PLXNA4: variants seen among roughly 807,000 people sequenced by gnomAD.
PLXNA4 encodes plexin-A4.
In PLXNA4, 44 loss-of-function variants were observed where a neutral mutation model predicts 191.8. That is an observed-to-expected ratio of 0.23 (90% CI 0.18 to 0.29). The LOEUF (loss-of-function observed/expected upper bound fraction) is 0.29, where lower values mean the gene tolerates loss of function less well. PLXNA4 is among the 10% of genes least tolerant of loss of function. PLXNA4 has a pLI of 1.00. For synonymous variants in PLXNA4, 1,082 were observed against 1,009.5 expected (o/e 1.07, Z -1.36); for missense variants, 1,800 against 2,488.8 (o/e 0.72, Z 5.89).
At chr7:132,603,249 G>GAA (rs35682777) in intron 2 of PLXNA4, among the ~76,000 whole-genome samples, 3,011 of 151,080 alleles carry the variant, frequency 0.02, 92 homozygotes, top group African/African-American at 0.067. Flanking sequence ...TCTCTTTATT[G>GAA]AAAAAAAAAT....
chr7:132,233,321 G>A (rs572578438), intron 5 of PLXNA4, among the ~76,000 whole-genome samples: 3 of 152,302 alleles, frequency 2.0e-5, no homozygotes, highest in East Asian at 1.9e-4. Flanking sequence ...TGGAGGAAGT[G>A]GAGTAGCTAG....
chr7:132,564,273 TTCC>T (rs1352853626), intron 1 of PLXNA4, among the ~76,000 whole-genome samples: 20 of 104,072 alleles, frequency 1.9e-4, no homozygotes, highest in East Asian at 6.8e-4. Flanking sequence ...TCCTCTCCTT[TTCC>T]TCCTCCTCCT....
Position 132,611,578 on chromosome 7 carries a change from G to T in PLXNA4, c.-87+34350C>A, listed in dbSNP as rs994598053. 2.8e-4 allele frequency among the ~76,000 whole-genome samples: 42 copies of T among 152,326 alleles called. 1 individual carries two copies. Among genetic ancestry groups the T allele is most frequent in the Middle Eastern group, 6.8e-3 (2 of 294 alleles). ...CCCACGTCATAACGTGCACCCAAAG[G>T]TGGGGGAATTTATTAAACAACCTGG... On this transcript the variant is annotated intron_variant, in intron 2 of 4. Coordinates refer to the PLXNA4 transcript ENST00000378539.
intron 9 of PLXNA4, among the ~76,000 whole-genome samples, chr7:132,220,469 G>C (rs1032952554): frequency 3.3e-5 from 5 of 152,188 alleles, no homozygotes; most frequent in Non-Finnish European, 7.3e-5. Context: ...TGATAAGGGA[G>C]GCATGGGCGA....
chr7:132,519,001 A>G (rs1313668759), intron 1 of PLXNA4, among the ~76,000 whole-genome samples: 1 of 152,188 alleles, frequency 6.6e-6, no homozygotes, highest in Admixed American at 6.5e-5. Flanking sequence ...TACCACGTGG[A>G]GATCGCCTTG....
At chr7:132,474,430 T>C (rs1056699080) in intron 3 of PLXNA4, among the ~76,000 whole-genome samples, 2 of 151,728 alleles carry the variant, frequency 1.3e-5, no homozygotes, top group African/African-American at 4.8e-5. Flanking sequence ...GTAGTAGGAG[T>C]GAACCTAAGC....
intron 24 of PLXNA4, among the ~76,000 whole-genome samples, chr7:132,161,308 G>T (rs1795942217): frequency 6.6e-6 from 1 of 152,222 alleles, no homozygotes; most frequent in Non-Finnish European, 1.5e-5. Flanking sequence ...ACAACTCCAT[G>T]GTGCACTTCA....
intron 1 of PLXNA4, among the ~76,000 whole-genome samples, chr7:132,565,992 G>T (rs1801706943): frequency 6.6e-6 from 1 of 152,180 alleles, no homozygotes; most frequent in Admixed American, 6.5e-5. Flanking sequence ...GAACTCAGCT[G>T]GGACTTGATT....
At chr7:132,459,722 G>A (rs1406993216) in intron 3 of PLXNA4, among the ~76,000 whole-genome samples, 1 of 152,176 alleles carries the variant, frequency 6.6e-6, no homozygotes, top group East Asian at 1.9e-4. Context: ...GATGCTGGGG[G>A]CAGCGAGCCT....
At chr7:132,642,823 A>T (rs945689708) in intron 2 of PLXNA4, among the ~76,000 whole-genome samples, 4 of 152,250 alleles carry the variant, frequency 2.6e-5, no homozygotes, top group Non-Finnish European at 5.9e-5. Context: ...GGAACTCTTT[A>T]TTGCTATGCA....
intron 2 of PLXNA4, chr7:132,645,913 T>C (rs942507562): frequency 6.6e-6 from 1 of 152,660 alleles, no homozygotes; most frequent in African/African-American, 2.4e-5. Flanking sequence ...CTGAATTTGG[T>C]GCTTGAGCCA....
intron 3 of PLXNA4, among the ~76,000 whole-genome samples, chr7:132,386,549 G>C (rs1331287289): frequency 2.6e-5 from 4 of 152,176 alleles, no homozygotes; most frequent in Non-Finnish European, 5.9e-5. Context: ...TGCTTAGTGG[G>C]GAAGGGAACA....
At chr7:132,501,619 C>T (rs1798258424) in intron 2 of PLXNA4, among the ~76,000 whole-genome samples, 1 of 152,224 alleles carries the variant, frequency 6.6e-6, no homozygotes, top group Admixed American at 6.5e-5. Flanking sequence ...GCACCATGCA[C>T]ACTAGTCTGG....
intron 2 of PLXNA4, among the ~76,000 whole-genome samples, chr7:132,630,068 T>C (rs1478114539): frequency 1.3e-5 from 2 of 152,142 alleles, no homozygotes; most frequent in Non-Finnish European, 2.9e-5. Flanking sequence ...GCCAGGATGG[T>C]CTCAATCTCC....
At position 132,489,131 on chromosome 7, in the gene PLXNA4, A is replaced by G. The variant is rs565382486; in HGVS notation, c.1371+161T>C. ...ACCTCAGCACAGAGGCAGAGAAAGGACAAGATGATCATCATGACCTCAACA... is the reference window on the plus strand; with the variant it reads ...ACCTCAGCACAGAGGCAGAGAAAGGGCAAGATGATCATCATGACCTCAACA... On this transcript the variant is annotated intron_variant, in intron 3 of 31. Coordinates refer to ENST00000321063, the MANE Select transcript of PLXNA4 (RefSeq NM_020911.2). 5.9e-5 allele frequency among the ~76,000 whole-genome samples: 9 copies of G among 152,354 alleles called. 1 individual carries two copies. The South Asian group carries it at 1.9e-3, about 32-fold the overall frequency.
At chr7:132,390,105 G>C (rs902142932) in intron 3 of PLXNA4, among the ~76,000 whole-genome samples, 1 of 152,098 alleles carries the variant, frequency 6.6e-6, no homozygotes, top group Non-Finnish European at 1.5e-5. Flanking sequence ...CTACTATAAA[G>C]ACACATGCAT....
At chr7:132,206,998 T>C (rs1797647258) in intron 10 of PLXNA4, among the ~76,000 whole-genome samples, 1 of 152,146 alleles carries the variant, frequency 6.6e-6, no homozygotes, top group African/African-American at 2.4e-5. Context: ...AGTGTGAACC[T>C]CAGCTTCTAC....
At chr7:132,440,331 C>T (rs772098678) in intron 3 of PLXNA4, among the ~76,000 whole-genome samples, 57 of 152,170 alleles carry the variant, frequency 3.7e-4, no homozygotes, top group Admixed American at 9.2e-4. Context: ...AATAACACTA[C>T]GACACGCAAC....
At chr7:132,489,947 G>A (rs1797720538) in intron 2 of PLXNA4, among the ~76,000 whole-genome samples, 1 of 152,206 alleles carries the variant, frequency 6.6e-6, no homozygotes, top group Admixed American at 6.5e-5. Flanking sequence ...GAGGGATGTG[G>A]TCTCCATATC....
Sources: allele counts gnomAD v4.1 joint callset (sites outside exome capture counted in the v4.1 genomes callset), GRCh38; gene constraint gnomAD v4.1.1; transcripts MANE v1.5; gene names NCBI Gene and HGNC (gene_info 2026-07-23, HGNC 2026-07-21).